Variants in KIF16B observed in about 807,000 individuals in gnomAD.
KIF16B encodes kinesin family member 16B, also known as kinesin-like protein KIF16B.
KIF16B carries 98 observed loss-of-function variants against 156.3 expected under a neutral mutation model. The ratio of observed to expected loss-of-function variants is 0.63; its 90% CI spans 0.53 to 0.74. The LOEUF is 0.74. KIF16B is among the 30% of genes least tolerant of loss of function. KIF16B has a pLI of 0.00. For missense variants in KIF16B, 1,421 were observed against 1,606.5 expected (o/e 0.88, Z 1.97); for synonymous variants, 564 against 583.7 (o/e 0.97, Z 0.49).
intron 17 of KIF16B, among the ~76,000 whole-genome samples, chr20:16,400,931 T>C (rs1318616476): frequency 6.6e-6 from 1 of 152,186 alleles, no homozygotes; most frequent in Admixed American, 6.5e-5. Flanking sequence ...GTCAATGCAC[T>C]TCACACTACT....
intron 25 of KIF16B, among the ~76,000 whole-genome samples, chr20:16,276,793 C>G (rs2063068233): frequency 6.6e-6 from 1 of 152,188 alleles, no homozygotes; most frequent in Non-Finnish European, 1.5e-5. Context: ...CTCTGAAGCC[C>G]CCTATCATCC....
intron 15 of KIF16B, among the ~76,000 whole-genome samples, chr20:16,424,578 G>A (rs2066307754): frequency 6.6e-6 from 1 of 152,116 alleles, no homozygotes; most frequent in Admixed American, 6.6e-5. Context: ...ACAAAAAGGG[G>A]CTTAAACATG....
chr20:16,500,340 A>C (rs2068583033), intron 10 of KIF16B, among the ~76,000 whole-genome samples: 1 of 151,904 alleles, frequency 6.6e-6, no homozygotes, highest in Non-Finnish European at 1.5e-5. Context: ...CTGTGTTATG[A>C]TGTTGTCTTA....
chr20:16,318,618 A>C (rs1222184895), intron 24 of KIF16B, among the ~76,000 whole-genome samples: 2 of 152,214 alleles, frequency 1.3e-5, no homozygotes, highest in Non-Finnish European at 2.9e-5. Context: ...CAATTTGAAA[A>C]AGAAAATTAA....
chr20:16,364,575 C>A (rs1389867722), intron 22 of KIF16B, among the ~76,000 whole-genome samples: 1 of 152,172 alleles, frequency 6.6e-6, no homozygotes, highest in Non-Finnish European at 1.5e-5. Context: ...GCAGAGGGAG[C>A]TACTAGGATT....
chr20:16,561,731 A>T (rs760398050), intron 1 of KIF16B, among the ~76,000 whole-genome samples: 14 of 152,260 alleles, frequency 9.2e-5, no homozygotes, highest in Non-Finnish European at 1.5e-4. Context: ...TAACATATGA[A>T]GGACACAAAA....
intron 1 of KIF16B, 42 bp downstream of exon 1, chr20:16,573,187 G>T (rs776424787): frequency 1.2e-4 from 185 of 1,527,598 alleles, no homozygotes; most frequent in Non-Finnish European, 1.5e-4. Flanking sequence ...TCCTCTGGGT[G>T]GGGGCGCGAC....
chr20:16,532,702 G>C (rs2069804775), intron 1 of KIF16B, among the ~76,000 whole-genome samples: 1 of 152,156 alleles, frequency 6.6e-6, no homozygotes, highest in Non-Finnish European at 1.5e-5. Flanking sequence ...AATGCATCTA[G>C]AGCTTTCATC....
At chr20:16,367,602 G>C (rs1259126654) in intron 22 of KIF16B, 4 of 1,612,644 alleles carry the variant, frequency 2.5e-6, no homozygotes, top group Non-Finnish European at 3.4e-6. Flanking sequence ...CTTCTGCCAG[G>C]GAAGGGACAT....
In KIF16B at chr20:16,381,803, C is replaced by T. The variant is rs541781162; in HGVS notation, c.1785-56G>A. On this transcript the variant is annotated intron_variant, in intron 17 of 25. Transcript: ENST00000354981. ...TTCTAAAGAGCTTTTCTATCTCTCT[C>T]TCACTCTCTGTATACAGAGTCACAT... The T allele has an allele frequency of 5.7e-6, 8 of 1,401,124 alleles. No homozygotes were observed. The East Asian group carries it at 1.9e-4, about 33-fold the overall frequency. 86.8% of individuals were successfully genotyped at this position (1,401,124 alleles called of 1,614,324 possible). A position where few individuals can be genotyped will look rare whatever the true frequency, so the allele number is the denominator to read the frequency against.
chr20:16,389,259 A>G (rs1185878123), intron 17 of KIF16B, among the ~76,000 whole-genome samples: 2 of 152,196 alleles, frequency 1.3e-5, no homozygotes, highest in African/African-American at 4.8e-5. Flanking sequence ...GACAGGTCCC[A>G]TATTTGATTC....
intron 14 of KIF16B, among the ~76,000 whole-genome samples, chr20:16,427,531 A>T (rs1427717492): frequency 6.6e-6 from 1 of 152,142 alleles, no homozygotes; most frequent in Non-Finnish European, 1.5e-5. Flanking sequence ...GGGAGAAAAC[A>T]GTCGAGTAAC....
At chr20:16,337,751 G>A (rs1159464206) in intron 23 of KIF16B, among the ~76,000 whole-genome samples, 1 of 152,154 alleles carries the variant, frequency 6.6e-6, no homozygotes, top group Non-Finnish European at 1.5e-5. Context: ...CAGTGAGGAT[G>A]TGGGGGCTTC....
chr20:16,345,489 G>A (rs574212797), intron 23 of KIF16B, among the ~76,000 whole-genome samples: 240 of 152,322 alleles, frequency 1.6e-3, no homozygotes, highest in Non-Finnish European at 2.3e-3. Context: ...ACCTGTAACT[G>A]TTTAAAGGTT....
chr20:16,465,454 C>T (rs1022021726), intron 12 of KIF16B, among the ~76,000 whole-genome samples: 5 of 152,208 alleles, frequency 3.3e-5, no homozygotes, highest in African/African-American at 9.6e-5. Context: ...GTACCATGTG[C>T]AGCGATTTCA....
Position 16,370,640 on chromosome 20 carries a change from A to C in KIF16B, c.3448-4T>G, listed in dbSNP as rs1377139211. On this transcript the variant is annotated splice_polypyrimidine_tract_variant and splice_region_variant and intron_variant, in intron 21 of 25. Coordinates refer to ENST00000354981, the MANE Select transcript of KIF16B (RefSeq NM_024704.5). ...CATTGTGAAGTTTCTCATTATCCTG[A>C]AAAGAAAAGAAAAAGCCCTCTATAT... 1 of 1,581,010 alleles carries C rather than the reference A, an allele frequency of 6.3e-7. No individual in the cohort carries two copies. The highest frequency in any genetic ancestry group is 8.5e-7 in the Non-Finnish European group (1 of 1,170,352).
At chr20:16,397,232 G>A (rs2065529168) in intron 17 of KIF16B, among the ~76,000 whole-genome samples, 1 of 152,194 alleles carries the variant, frequency 6.6e-6, no homozygotes, top group Non-Finnish European at 1.5e-5. Flanking sequence ...TTATCTCCTG[G>A]CAAAGACCCT....
At chr20:16,397,435 T>C (rs1250045556) in intron 17 of KIF16B, among the ~76,000 whole-genome samples, 1 of 152,226 alleles carries the variant, frequency 6.6e-6, no homozygotes, top group Non-Finnish European at 1.5e-5. Context: ...GTTAGGCTGA[T>C]ACAATGTTCT....
intron 23 of KIF16B, among the ~76,000 whole-genome samples, chr20:16,353,576 A>G (rs1050065245): frequency 2.0e-5 from 3 of 151,226 alleles, no homozygotes; most frequent in Non-Finnish European, 2.9e-5. Flanking sequence ...TACCAACCCA[A>G]TGAGGGGGGG....
Sources: gnomAD v4.1 joint callset for allele counts (sites outside exome capture counted in the v4.1 genomes callset) on GRCh38, gnomAD v4.1.1 for gene constraint, MANE v1.5 for transcripts, NCBI Gene and HGNC (gene_info 2026-07-23, HGNC 2026-07-21) for gene names.